Variants in RBFOX1 observed in about 807,000 individuals in gnomAD.
The protein encoded by RBFOX1 is RNA binding protein fox-1 homolog 1.
A neutral mutation model predicts 57.7 loss-of-function variants in RBFOX1; 8 were observed. The ratio of observed to expected loss-of-function variants is 0.14; its 90% confidence interval spans 0.08 to 0.25. RBFOX1 has a LOEUF of 0.25. Ranked by LOEUF, RBFOX1 falls within the 10% of genes least tolerant of loss-of-function variation. RBFOX1 has a pLI of 1.00. For missense variants in RBFOX1, 611 were observed against 548.5 expected, an observed-to-expected ratio of 1.11 and a Z score of -1.14; for synonymous variants, 326 against 222.4, an observed-to-expected ratio of 1.47 and a Z score of -4.15.
rs77635471 is a variant in RBFOX1 at position 6,962,539 on chromosome 16, A to C, written c.-15-89518A>C. Among the ~76,000 whole-genome samples the C allele has an allele frequency of 8.5e-3, 1,286 of 151,622 alleles. 19 individuals are homozygous for C. The highest frequency in any genetic ancestry group is 0.054 in the South Asian group (260 of 4,814). On this transcript the variant is annotated intron_variant, in intron 3 of 15. Coordinates refer to ENST00000550418, the MANE Select transcript of RBFOX1 (RefSeq NM_018723.4). ...TTACTTCAGAAGCTCAGAGGTCAAAAGCACCTTAAAGTTCATTCAATTCAA... is the reference window on the plus strand; with the variant it reads ...TTACTTCAGAAGCTCAGAGGTCAAACGCACCTTAAAGTTCATTCAATTCAA...
chr16:6,931,483 A>C (rs769839810), intron 3 of RBFOX1, among the ~76,000 whole-genome samples: 1 of 152,120 alleles, frequency 6.6e-6, no homozygotes, highest in Non-Finnish European at 1.5e-5. Context: ...CCAGAAGTAG[A>C]ACCTACTACA....
chr16:7,519,657 G>C, intron 5 of RBFOX1: 2 of 983,734 alleles, frequency 2.0e-6, no homozygotes, highest in Non-Finnish European at 2.4e-6. Context: ...TTTTTCTGCA[G>C]AATTCTTTAG....
intron 3 of RBFOX1, among the ~76,000 whole-genome samples, chr16:5,830,232 A>C (rs890688409): frequency 1.3e-5 from 2 of 149,848 alleles, no homozygotes; most frequent in African/African-American, 4.9e-5. Context: ...AATTAGGAAA[A>C]CCCTCCCTAT....
intron 4 of RBFOX1, among the ~76,000 whole-genome samples, chr16:7,095,290 AC>A (rs2061511605): frequency 6.6e-6 from 1 of 151,864 alleles, no homozygotes; most frequent in East Asian, 1.9e-4. Context: ...GGCTGTCACC[AC>A]TGTGCCTGGT....
chr16:7,157,222 C>T (rs367787395), intron 4 of RBFOX1, among the ~76,000 whole-genome samples: 13 of 152,192 alleles, frequency 8.5e-5, no homozygotes, highest in African/African-American at 2.9e-4. Context: ...TGTGTGTGTG[C>T]ATTGGCTGGC....
chr16:6,723,418 C>G (rs930390439), intron 3 of RBFOX1, among the ~76,000 whole-genome samples: 5 of 152,096 alleles, frequency 3.3e-5, no homozygotes, highest in African/African-American at 1.2e-4. Flanking sequence ...ATGGAGTTAT[C>G]TCAAAGATAC....
intron 3 of RBFOX1, among the ~76,000 whole-genome samples, chr16:6,758,030 T>G (rs549798193): frequency 6.6e-6 from 1 of 152,164 alleles, no homozygotes; most frequent in Non-Finnish European, 1.5e-5. Flanking sequence ...TGTCACACTT[T>G]TAAGAAGTCA....
At chr16:6,658,949 T>TTTTTC in intron 3 of RBFOX1, among the ~76,000 whole-genome samples, 1 of 151,290 alleles carries the variant, frequency 6.6e-6, no homozygotes, top group East Asian at 2.0e-4. Context: ...TTTTTTGTTT[T>TTTTTC]TTTTTTTCCT....
intron 11 of RBFOX1, among the ~76,000 whole-genome samples, chr16:7,635,684 G>A (rs927020444): frequency 7.9e-5 from 12 of 152,072 alleles, no homozygotes; most frequent in Admixed American, 2.6e-4. Flanking sequence ...CATTGTGACC[G>A]TCTCCCTTTA....
chr16:7,484,391 T>C (rs1015213085), intron 4 of RBFOX1, among the ~76,000 whole-genome samples: 7 of 152,214 alleles, frequency 4.6e-5, no homozygotes, highest in Non-Finnish European at 8.8e-5. Flanking sequence ...AGATTTAACA[T>C]TCTAGGATAC....
chr16:6,394,917 T>C (rs2092759995), intron 2 of RBFOX1, among the ~76,000 whole-genome samples: 1 of 152,196 alleles, frequency 6.6e-6, no homozygotes, highest in African/African-American at 2.4e-5. Flanking sequence ...CGTGTTACTG[T>C]TTAAAACCAC....
chr16:7,658,802 G>A (rs1453534313), intron 12 of RBFOX1, among the ~76,000 whole-genome samples: 1 of 152,156 alleles, frequency 6.6e-6, no homozygotes, highest in Non-Finnish European at 1.5e-5. Context: ...TCTGCTCACT[G>A]CAACCTCCTC....
At chr16:7,036,474 G>A (rs1247448639) in intron 3 of RBFOX1, among the ~76,000 whole-genome samples, 1 of 152,008 alleles carries the variant, frequency 6.6e-6, no homozygotes, top group Non-Finnish European at 1.5e-5. Context: ...ACTTTGGGAG[G>A]CTGAGGCAGG....
At chr16:6,984,687 C>A (rs1004808471) in intron 3 of RBFOX1, among the ~76,000 whole-genome samples, 1 of 152,150 alleles carries the variant, frequency 6.6e-6, no homozygotes, top group African/African-American at 2.4e-5. Context: ...GTTGACCAGG[C>A]TGGAGTGCAG....
intron 5 of RBFOX1, among the ~76,000 whole-genome samples, chr16:7,529,758 C>G (rs1226661895): frequency 6.6e-6 from 1 of 152,070 alleles, no homozygotes; most frequent in Non-Finnish European, 1.5e-5. Flanking sequence ...CATGTAATCC[C>G]AGCACTTTGG....
At chr16:6,901,132 C>T (rs2068376433) in intron 3 of RBFOX1, among the ~76,000 whole-genome samples, 1 of 152,106 alleles carries the variant, frequency 6.6e-6, no homozygotes, top group Admixed American at 6.5e-5. Flanking sequence ...CTTTGTGTTT[C>T]CTGTTAGACT....
At chr16:6,899,700 C>T (rs986056668) in intron 3 of RBFOX1, among the ~76,000 whole-genome samples, 9 of 152,322 alleles carry the variant, frequency 5.9e-5, no homozygotes, top group East Asian at 3.9e-4. Flanking sequence ...CAGATTTTCT[C>T]GCCCATGGAG....
intron 4 of RBFOX1, among the ~76,000 whole-genome samples, chr16:7,349,027 T>C (rs1413498725): frequency 6.6e-6 from 1 of 152,168 alleles, no homozygotes; most frequent in Non-Finnish European, 1.5e-5. Context: ...TCAGATTTTC[T>C]TGTAAATTTC....
At chr16:5,446,385 A>G (rs143983352) in intron 1 of RBFOX1, among the ~76,000 whole-genome samples, 1 of 152,208 alleles carries the variant, frequency 6.6e-6, no homozygotes, top group Non-Finnish European at 1.5e-5. Flanking sequence ...AGATTCAAAC[A>G]TGCTCACTGG....
Sources: gnomAD v4.1 joint callset for allele counts (sites outside exome capture counted in the v4.1 genomes callset) on GRCh38, gnomAD v4.1.1 for gene constraint, MANE v1.5 for transcripts, NCBI Gene and HGNC (gene_info 2026-07-23, HGNC 2026-07-21) for gene names.